ST6GALNAC3: variants seen among roughly 807,000 people sequenced by gnomAD.
ST6GALNAC3 encodes the protein ST6 N-acetylgalactosaminide alpha-2,6-sialyltransferase 3.
A neutral mutation model predicts 32.7 loss-of-function variants in ST6GALNAC3; 25 were observed. That is an observed-to-expected ratio of 0.76 (90% confidence interval 0.56 to 1.07). The LOEUF is 1.07. Ranked by LOEUF, ST6GALNAC3 falls within the 50% of genes least tolerant of loss-of-function variation. ST6GALNAC3 has a pLI of 0.00. For missense variants in ST6GALNAC3, 355 were observed against 382.4 expected (o/e 0.93, Z 0.60); for synonymous variants, 129 against 133.1 (o/e 0.97, Z 0.21).
At chr1:76,484,494 G>T (rs1311956851) in intron 3 of ST6GALNAC3, among the ~76,000 whole-genome samples, 3 of 152,082 alleles carry the variant, frequency 2.0e-5, no homozygotes, top group Non-Finnish European at 4.4e-5. Flanking sequence ...ATTGTGAATG[G>T]GAGTTCACTC....
intron 3 of ST6GALNAC3, among the ~76,000 whole-genome samples, chr1:76,541,792 C>G (rs1454469568): frequency 6.6e-6 from 1 of 152,142 alleles, no homozygotes; most frequent in Admixed American, 6.6e-5. Flanking sequence ...TCTGAGGTGT[C>G]CCCATCATCT....
intron 3 of ST6GALNAC3, among the ~76,000 whole-genome samples, chr1:76,521,636 A>G (rs1662544949): frequency 6.6e-6 from 1 of 152,114 alleles, no homozygotes; most frequent in Admixed American, 6.6e-5. Context: ...AGTTGACTTA[A>G]TATTTCCTTT....
chr1:76,569,429 G>A (rs953727916), intron 3 of ST6GALNAC3, among the ~76,000 whole-genome samples: 21 of 152,104 alleles, frequency 1.4e-4, no homozygotes, highest in Non-Finnish European at 2.6e-4. Flanking sequence ...GAGAACTAAA[G>A]AAAATTCTTT....
chr1:76,137,562 TCCCACCTACCGTCATGAACTCCAAGGAGA>T (rs1650030059), intron 1 of ST6GALNAC3, among the ~76,000 whole-genome samples: 1 of 152,192 alleles, frequency 6.6e-6, no homozygotes, highest in African/African-American at 2.4e-5. Context: ...GGAATCTTCC[TCCCACCTACCGTCATGAACTCCAAGGAGA>T]TTATGATTTA....
chr1:76,349,746 A>G (rs1648818596), intron 2 of ST6GALNAC3, among the ~76,000 whole-genome samples: 1 of 152,182 alleles, frequency 6.6e-6, no homozygotes, highest in Admixed American at 6.5e-5. Flanking sequence ...GCTTCTTTCT[A>G]TCTGCTCCTC....
chr1:76,576,315 T>C (rs1177923816), intron 3 of ST6GALNAC3, among the ~76,000 whole-genome samples: 1 of 152,098 alleles, frequency 6.6e-6, no homozygotes, highest in African/African-American at 2.4e-5. Context: ...ATGGCACCCG[T>C]AGACACTGTG....
chr1:76,545,280 A>G (rs1224944417), intron 3 of ST6GALNAC3, among the ~76,000 whole-genome samples: 1 of 152,198 alleles, frequency 6.6e-6, no homozygotes, highest in Non-Finnish European at 1.5e-5. Context: ...GTGTCTATGC[A>G]TTTTGTAGCA....
chr1:76,334,319 T>A (rs541188692), intron 2 of ST6GALNAC3, among the ~76,000 whole-genome samples: 1 of 152,334 alleles, frequency 6.6e-6, no homozygotes, highest in East Asian at 1.9e-4. Context: ...TCCATGATTA[T>A]GTTAATTATC....
chr1:76,285,544 A>G (rs554677530), intron 1 of ST6GALNAC3, among the ~76,000 whole-genome samples: 2 of 152,350 alleles, frequency 1.3e-5, no homozygotes, highest in South Asian at 4.1e-4. Flanking sequence ...TCTAATAAAA[A>G]TAATGAATAT....
At chr1:76,403,217 A>G (rs1459380967) in intron 2 of ST6GALNAC3, among the ~76,000 whole-genome samples, 3 of 152,092 alleles carry the variant, frequency 2.0e-5, no homozygotes, top group East Asian at 1.9e-4. Context: ...CTCTAATGCT[A>G]TATAATTAAA....
At chr1:76,126,424 T>C (rs1570087546) in intron 1 of ST6GALNAC3, among the ~76,000 whole-genome samples, 1 of 73,370 alleles carries the variant, frequency 1.4e-5, no homozygotes, top group African/African-American at 5.6e-5. Flanking sequence ...CCCTCCTGCC[T>C]TTCCTTCCTT....
At chr1:76,137,758 C>T (rs944557778) in intron 1 of ST6GALNAC3, among the ~76,000 whole-genome samples, 5 of 152,162 alleles carry the variant, frequency 3.3e-5, no homozygotes, top group African/African-American at 1.2e-4. Context: ...GGAACCCTTC[C>T]AAGAGATTCT....
At chr1:76,521,065 A>C (rs982315080) in intron 3 of ST6GALNAC3, among the ~76,000 whole-genome samples, 4 of 151,972 alleles carry the variant, frequency 2.6e-5, no homozygotes, top group Admixed American at 6.6e-5. Context: ...TTTACATTTT[A>C]AACAATTCTT....
At chr1:76,634,731 G>A (rs866263993), downstream of ST6GALNAC3, 1 of 30,612 alleles carries the variant, frequency 3.3e-5, no homozygotes, top group Non-Finnish European at 5.2e-5. Context: ...ACGGAGTCTC[G>A]CTCTGTCGCC....
intron 1 of ST6GALNAC3, among the ~76,000 whole-genome samples, chr1:76,112,349 G>T (rs1405627020): frequency 1.4e-5 from 2 of 142,654 alleles, no homozygotes; most frequent in South Asian, 2.3e-4. Context: ...CTCCCGGACG[G>T]GGCGGCTGGC....
At chr1:76,173,877 C>T (rs7551529) in intron 1 of ST6GALNAC3, among the ~76,000 whole-genome samples, 107,980 of 152,028 alleles carry the variant, frequency 0.71, 40,319 homozygotes, top group East Asian at 0.94. Context: ...AAGACTTTTA[C>T]ACTGTTGGTG....
intron 3 of ST6GALNAC3, among the ~76,000 whole-genome samples, chr1:76,554,527 G>A (rs970781015): frequency 6.6e-6 from 1 of 152,240 alleles, no homozygotes; most frequent in Middle Eastern, 3.4e-3. Context: ...TTCTTTCCCT[G>A]AAGGCTGGAG....
At chr1:76,611,681 G>A (rs1240375122) in intron 3 of ST6GALNAC3, among the ~76,000 whole-genome samples, 1 of 152,138 alleles carries the variant, frequency 6.6e-6, no homozygotes, top group Non-Finnish European at 1.5e-5. Context: ...TTTTTCTCTA[G>A]TAATGTACAG....
At chr1:76,425,986 A>G (rs1247197328) in intron 3 of ST6GALNAC3, among the ~76,000 whole-genome samples, 3 of 151,896 alleles carry the variant, frequency 2.0e-5, no homozygotes. Context: ...GATAATATAG[A>G]CGATGAATCA....
Sources: gnomAD v4.1 joint callset for allele counts (sites outside exome capture counted in the v4.1 genomes callset) on GRCh38, gnomAD v4.1.1 for gene constraint, MANE v1.5 for transcripts, NCBI Gene and HGNC (gene_info 2026-07-23, HGNC 2026-07-21) for gene names.